SPMIP2: variants seen among roughly 807,000 people sequenced by gnomAD.
The protein encoded by SPMIP2 is protein SPMIP2.
chr4:159,056,275 C>T, the SPMIP2 span, among the ~76,000 whole-genome samples: 27 of 152,280 alleles, frequency 1.8e-4, no homozygotes, highest in African/African-American at 6.3e-4. Context: ...TGTTCTCTTC[C>T]CCGCTTTCCT....
At chr4:159,033,480 G>A in the SPMIP2 span, among the ~76,000 whole-genome samples, 1 of 152,100 alleles carries the variant, frequency 6.6e-6, no homozygotes, top group East Asian at 1.9e-4. Flanking sequence ...CGAGATTGTA[G>A]GATTTCAGGA....
chr4:159,065,343 A>G, the SPMIP2 span, among the ~76,000 whole-genome samples: 1 of 152,244 alleles, frequency 6.6e-6, no homozygotes, highest in Non-Finnish European at 1.5e-5. Context: ...ACCATAAGGA[A>G]GAGTACCTTT....
chr4:158,933,158 C>T, the SPMIP2 span, among the ~76,000 whole-genome samples: 6 of 152,144 alleles, frequency 3.9e-5, no homozygotes, highest in African/African-American at 1.2e-4. Flanking sequence ...CACACACTAC[C>T]ACGCCCTGCT....
At chr4:159,062,209 AT>A in the SPMIP2 span, among the ~76,000 whole-genome samples, 1 of 152,182 alleles carries the variant, frequency 6.6e-6, no homozygotes, top group Non-Finnish European at 1.5e-5. Flanking sequence ...TATTTTCATT[AT>A]TTTTGTAGTA....
chr4:159,058,368 G>C, the SPMIP2 span, among the ~76,000 whole-genome samples: 1 of 152,184 alleles, frequency 6.6e-6, no homozygotes, highest in East Asian at 1.9e-4. Context: ...ACTAGCAAAA[G>C]AAATAGTTTT....
At chr4:159,039,676 T>C in the SPMIP2 span, among the ~76,000 whole-genome samples, 5 of 152,248 alleles carry the variant, frequency 3.3e-5, no homozygotes, top group African/African-American at 1.2e-4. Context: ...GTGGTCTCCA[T>C]GAGCCACCAG....
At chr4:158,965,855 A>G in the SPMIP2 span, among the ~76,000 whole-genome samples, 1 of 152,112 alleles carries the variant, frequency 6.6e-6, no homozygotes, top group Non-Finnish European at 1.5e-5. Context: ...ACTGATCATC[A>G]TTTACCACAT....
the SPMIP2 span, among the ~76,000 whole-genome samples, chr4:158,923,734 T>C: frequency 6.6e-6 from 1 of 152,226 alleles, no homozygotes; most frequent in Non-Finnish European, 1.5e-5. Flanking sequence ...CTGGCTAGAA[T>C]ACCTATCACA....
At chr4:159,064,782 G>A in the SPMIP2 span, among the ~76,000 whole-genome samples, 2 of 151,982 alleles carry the variant, frequency 1.3e-5, no homozygotes, top group Non-Finnish European at 2.9e-5. Context: ...TCATTAAAAG[G>A]CCTTAGTCTA....
the SPMIP2 span, among the ~76,000 whole-genome samples, chr4:159,015,450 A>G: frequency 6.6e-6 from 1 of 152,246 alleles, no homozygotes; most frequent in Non-Finnish European, 1.5e-5. Flanking sequence ...TTTCAGGTGC[A>G]GCAAACCATT....
the SPMIP2 span, among the ~76,000 whole-genome samples, chr4:158,948,594 T>G: frequency 4.6e-5 from 7 of 151,496 alleles, no homozygotes; most frequent in East Asian, 1.9e-4. Flanking sequence ...GTGGTTTGTT[T>G]TTTTTTTTTT....
the SPMIP2 span, among the ~76,000 whole-genome samples, chr4:158,956,356 A>T: frequency 6.6e-6 from 1 of 152,336 alleles, no homozygotes; most frequent in Middle Eastern, 3.4e-3. Context: ...CGAGGCCAGG[A>T]GTTTGAGACC....
the SPMIP2 span, among the ~76,000 whole-genome samples, chr4:159,020,320 A>C: frequency 6.6e-6 from 1 of 152,158 alleles, no homozygotes; most frequent in African/African-American, 2.4e-5. Context: ...GGGTAAGGGT[A>C]TATCAGTCAT....
At chr4:159,004,066 G>A in the SPMIP2 span, among the ~76,000 whole-genome samples, 1 of 151,888 alleles carries the variant, frequency 6.6e-6, no homozygotes, top group Admixed American at 6.6e-5. Flanking sequence ...ACCCAGGCTG[G>A]AGCACAGTGG....
the SPMIP2 span, among the ~76,000 whole-genome samples, chr4:158,988,516 A>G: frequency 1.9e-4 from 29 of 152,336 alleles, no homozygotes; most frequent in Middle Eastern, 3.4e-3. Flanking sequence ...TCAATCCAGC[A>G]GCACATCAAA....
At chr4:158,948,570 T>C in the SPMIP2 span, among the ~76,000 whole-genome samples, 1 of 151,400 alleles carries the variant, frequency 6.6e-6, no homozygotes, top group Non-Finnish European at 1.5e-5. Context: ...TTGTGAAGTT[T>C]CACATGCCTG....
At chr4:158,979,789 G>GTTTTTTTTTTTTTTTTTTTTTTTTTT in the SPMIP2 span, among the ~76,000 whole-genome samples, 3 of 104,512 alleles carry the variant, frequency 2.9e-5, no homozygotes, top group Non-Finnish European at 1.8e-5. Context: ...AGTTGCAAGA[G>GTTTTTTTTTTTTTTTTTTTTTTTTTT]TTTTTTTTTT....
At chr4:158,897,309 C>T in the SPMIP2 span, among the ~76,000 whole-genome samples, 73 of 152,204 alleles carry the variant, frequency 4.8e-4, no homozygotes, top group Middle Eastern at 3.4e-3. Context: ...CATACATGTG[C>T]GTGTGTCTTT....
the SPMIP2 span, among the ~76,000 whole-genome samples, chr4:159,010,908 A>G: frequency 6.6e-6 from 1 of 152,120 alleles, no homozygotes; most frequent in South Asian, 2.1e-4. Context: ...TGAGTTTCAG[A>G]CCCAATTCTA....
Sources: gnomAD v4.1 joint callset for allele counts (sites outside exome capture counted in the v4.1 genomes callset) on GRCh38, gnomAD v4.1.1 for gene constraint, MANE v1.5 for transcripts, NCBI Gene and HGNC (gene_info 2026-07-23, HGNC 2026-07-21) for gene names.